Variants in GALNT17 observed in about 807,000 individuals in gnomAD.
GALNT17 encodes polypeptide N-acetylgalactosaminyltransferase 17.
GALNT17 carries 29 observed loss-of-function variants against 63.7 expected under a neutral mutation model. That is an observed-to-expected ratio of 0.46 (90% CI 0.34 to 0.62). The LOEUF (loss-of-function observed/expected upper bound fraction) is 0.62, where lower values mean the gene tolerates loss of function less well. Ranked by LOEUF, GALNT17 falls within the 20% of genes least tolerant of loss-of-function variation. The probability of loss-of-function intolerance (pLI) is 0.01; values close to 1 mark genes in which losing one functional copy is unlikely to be tolerated. For synonymous variants in GALNT17, 305 were observed against 318.3 expected (o/e 0.96, Z 0.45); for missense variants, 603 against 799.6 (o/e 0.75, Z 2.97).
intron 5 of GALNT17, among the ~76,000 whole-genome samples, chr7:71,455,488 GTTTTGT>G (rs1369785404): frequency 7.6e-6 from 1 of 132,400 alleles, no homozygotes; most frequent in Non-Finnish European, 1.6e-5. Flanking sequence ...CCAGGGTTTT[GTTTTGT>G]TTTTTGTTTT....
At chr7:71,337,891 A>G (rs1425936458) in intron 2 of GALNT17, among the ~76,000 whole-genome samples, 3 of 151,742 alleles carry the variant, frequency 2.0e-5, no homozygotes, top group Non-Finnish European at 4.4e-5. Context: ...AAACAAACAA[A>G]CAACAACAAC....
intron 5 of GALNT17, among the ~76,000 whole-genome samples, chr7:71,554,357 C>A (rs1012986994): frequency 6.6e-6 from 1 of 152,158 alleles, no homozygotes; most frequent in Non-Finnish European, 1.5e-5. Flanking sequence ...CCATGTAAGA[C>A]GTGACTTTGT....
chr7:71,157,599 A>G (rs929634687), intron 1 of GALNT17, among the ~76,000 whole-genome samples: 4 of 151,864 alleles, frequency 2.6e-5, no homozygotes, highest in Admixed American at 6.6e-5. Context: ...CAGAGGTTGC[A>G]GCGAGCCGAG....
chr7:71,416,700 T>G (rs1194099477), intron 4 of GALNT17, among the ~76,000 whole-genome samples: 1 of 152,216 alleles, frequency 6.6e-6, no homozygotes, highest in Admixed American at 6.5e-5. Context: ...CATATTTTTC[T>G]TGTTCTCTTT....
At chr7:71,506,590 A>G (rs1202878511) in intron 5 of GALNT17, among the ~76,000 whole-genome samples, 1 of 152,180 alleles carries the variant, frequency 6.6e-6, no homozygotes, top group Non-Finnish European at 1.5e-5. Flanking sequence ...TTTTTTACAT[A>G]TAATTTTATG....
At chr7:71,523,668 G>C (rs1788566429) in intron 5 of GALNT17, among the ~76,000 whole-genome samples, 1 of 151,480 alleles carries the variant, frequency 6.6e-6, no homozygotes, top group Non-Finnish European at 1.5e-5. Context: ...CTTGAACTCA[G>C]GAGTTCAAGC....
chr7:71,209,676 T>C (rs1441479834), intron 1 of GALNT17, among the ~76,000 whole-genome samples: 3 of 151,890 alleles, frequency 2.0e-5, no homozygotes, highest in African/African-American at 7.3e-5. Context: ...TTCTATTTTT[T>C]GTAGAGTCAG....
intron 2 of GALNT17, among the ~76,000 whole-genome samples, chr7:71,340,966 A>G (rs921086758): frequency 1.3e-5 from 2 of 152,202 alleles, no homozygotes; most frequent in Admixed American, 1.3e-4. Context: ...TGAACCTAGG[A>G]CATAGAGGTT....
rs535825202 is a variant in GALNT17 at position 71,615,951 on chromosome 7, C to T, written c.1080+44549C>T. Among the ~76,000 whole-genome samples, 4 of 152,224 alleles carry T rather than the reference C, an allele frequency of 2.6e-5. No individual in the cohort carries two copies. The South Asian group carries it at 8.3e-4, about 32-fold the overall frequency. ...AGGTGTCGTCTTGCCCACCTCTGTC[C>T]AGGGCAGGTGTAGCACAAGGCAGCA... On this transcript the variant is annotated intron_variant, in intron 6 of 10. Coordinates refer to ENST00000333538, the MANE Select transcript of GALNT17 (RefSeq NM_022479.3).
intron 1 of GALNT17, among the ~76,000 whole-genome samples, chr7:71,189,045 A>C (rs574338863): frequency 1.3e-5 from 2 of 152,320 alleles, no homozygotes; most frequent in Admixed American, 1.3e-4. Flanking sequence ...TTTTATGGTT[A>C]GGCTGTGTTC....
At chr7:71,580,639 A>G (rs762441784) in intron 6 of GALNT17, among the ~76,000 whole-genome samples, 1 of 152,102 alleles carries the variant, frequency 6.6e-6, no homozygotes, top group Non-Finnish European at 1.5e-5. Context: ...ACAGTGGGAG[A>G]GGAATGGACA....
At chr7:71,457,201 A>G (rs1468096244) in intron 5 of GALNT17, among the ~76,000 whole-genome samples, 1 of 152,240 alleles carries the variant, frequency 6.6e-6, no homozygotes, top group Non-Finnish European at 1.5e-5. Flanking sequence ...CCTCTGACGG[A>G]AAAGATCTTG....
chr7:71,153,541 T>G (rs1209666262), intron 1 of GALNT17, among the ~76,000 whole-genome samples: 1 of 152,140 alleles, frequency 6.6e-6, no homozygotes, highest in Non-Finnish European at 1.5e-5. Context: ...TGAGGACTGG[T>G]CAGAGTTGCA....
chr7:71,706,769 A>G (rs1791726860), intron 9 of GALNT17, among the ~76,000 whole-genome samples: 1 of 152,192 alleles, frequency 6.6e-6, no homozygotes, highest in South Asian at 2.1e-4. Context: ...TTTTGGGATA[A>G]GAGCCAAGAG....
intron 5 of GALNT17, among the ~76,000 whole-genome samples, chr7:71,473,576 G>T (rs1787676191): frequency 6.6e-6 from 1 of 152,112 alleles, no homozygotes; most frequent in Admixed American, 6.5e-5. Flanking sequence ...TAATGTTAAT[G>T]CTGGTCAGTT....
chr7:71,167,385 G>T (rs1788462553), intron 1 of GALNT17, among the ~76,000 whole-genome samples: 1 of 152,012 alleles, frequency 6.6e-6, no homozygotes, highest in Non-Finnish European at 1.5e-5. Flanking sequence ...TTTGTCATTT[G>T]TATAGCTTCT....
chr7:71,537,303 G>A (rs1182035122), intron 5 of GALNT17, among the ~76,000 whole-genome samples: 1 of 152,162 alleles, frequency 6.6e-6, no homozygotes, highest in Admixed American at 6.5e-5. Flanking sequence ...GTATAATATG[G>A]TAGGGTGAAT....
intron 9 of GALNT17, among the ~76,000 whole-genome samples, chr7:71,703,613 C>T (rs10241679): frequency 0.14 from 20,776 of 152,146 alleles, 1,630 homozygotes; most frequent in African/African-American, 0.2. Context: ...ACCTGATAAC[C>T]TTTAAAAGAG....
intron 5 of GALNT17, among the ~76,000 whole-genome samples, chr7:71,427,690 C>T (rs970895683): frequency 3.3e-5 from 5 of 151,970 alleles, no homozygotes; most frequent in Admixed American, 3.3e-4. Context: ...TGGTCCTGGT[C>T]CATGGCCTTT....
Sources: allele counts gnomAD v4.1 joint callset (sites outside exome capture counted in the v4.1 genomes callset), GRCh38; gene constraint gnomAD v4.1.1; transcripts MANE v1.5; gene names NCBI Gene and HGNC (gene_info 2026-07-23, HGNC 2026-07-21).